Variants in ATAD3A observed in about 807,000 individuals in gnomAD.
ATAD3A encodes ATPase family AAA domain-containing protein 3A.
Under a neutral mutation model 73.8 loss-of-function variants are expected in ATAD3A, and 46 were observed. The ratio of observed to expected loss-of-function variants is 0.62; its 90% confidence interval spans 0.49 to 0.80. The LOEUF (loss-of-function observed/expected upper bound fraction) is 0.80, where lower values mean the gene tolerates loss of function less well. ATAD3A is among the 30% of genes least tolerant of loss of function. ATAD3A has a pLI of 0.00. For synonymous variants in ATAD3A, 319 were observed against 350.0 expected, an observed-to-expected ratio of 0.91 and a Z score of 0.99; for missense variants, 705 against 838.0, an observed-to-expected ratio of 0.84 and a Z score of 1.96.
Position 1,522,810 on chromosome 1 carries a change from C to T in ATAD3A, c.817C>T (p.Arg273Cys), listed in dbSNP as rs574343682. ...SAKNATLVAGRFIEARLGKPS... is the reference protein window; with the variant it reads ...SAKNATLVAGCFIEARLGKPS... ...CAAGAATGCCACGCTTGTCGCCGGC[C>T]GCTTCATCGAGGCTCGGCTGGGGAA... Residue 273 changes from arginine to cysteine, a missense_variant, in exon 8 of 16, where the codon CGC becomes TGC. Physicochemically the swap from Arg to Cys is radical, Grantham distance 180. Coordinates refer to ENST00000378756, the MANE Select transcript of ATAD3A (RefSeq NM_001170535.3). 29 of 1,611,242 alleles carry T rather than the reference C, an allele frequency of 1.8e-5. No individual in the cohort carries two copies. The South Asian group carries it at 2.3e-4, about 13-fold the overall frequency.
intron 4 of ATAD3A, among the ~76,000 whole-genome samples, chr1:1,518,421 A>C (rs1347475987): frequency 7.4e-6 from 1 of 135,236 alleles, no homozygotes; most frequent in Non-Finnish European, 1.6e-5. Context: ...ATAGACGGAC[A>C]CACACACACC....
Position 1,520,436 on chromosome 1 carries a change from C to T in ATAD3A, c.681-112C>T. 1 of 1,600,180 alleles carries T rather than the reference C, an allele frequency of 6.2e-7. No homozygotes were observed. Among genetic ancestry groups the T allele is most frequent in the South Asian group, 1.1e-5 (1 of 89,488 alleles). ...TGACTCCTTGGTGGGGGCACTGCCC[C>T]TCTGTCCTGGCAAGGCCGTGCCGCC... On this transcript the variant is annotated intron_variant, in intron 6 of 15. Transcript: ENST00000378756. The surrounding 1 kb of genome is among the most constrained non-coding windows in gnomAD (Gnocchi z 4.0).
At chr1:1,533,041 G>C (rs1306855711) in intron 15 of ATAD3A, among the ~76,000 whole-genome samples, 1 of 152,234 alleles carries the variant, frequency 6.6e-6, no homozygotes, top group Non-Finnish European at 1.5e-5. Context: ...GGCACCACGT[G>C]GTCATCCCCA....
rs761244485 is a variant in ATAD3A, at chr1:1,520,319, G to C, written c.680+13G>C. The C allele has an allele frequency of 1.5e-4, 234 of 1,608,490 alleles. 1 individual carries two copies. Among genetic ancestry groups the C allele is most frequent in the Middle Eastern group, 1.2e-3 (7 of 5,858 alleles). On this transcript the variant is annotated intron_variant, in intron 6 of 15. Coordinates refer to ENST00000378756, the MANE Select transcript of ATAD3A (RefSeq NM_001170535.3). The surrounding 1 kb of genome is among the most constrained non-coding windows in gnomAD (Gnocchi z 4.0). ...TGGAGTCCATCAGGTGAGCACTGCC[G>C]AGGCCCGGGCCGGCCACAGATGGAG...
chr1:1,522,910 A>G lies in ATAD3A; in HGVS notation c.906+11A>G. 6.2e-7 allele frequency: 1 copy of G among 1,605,792 alleles called. No homozygotes were observed. The highest frequency in any genetic ancestry group is 8.5e-7 in the Non-Finnish European group (1 of 1,179,250). ...CGGCACCCCATCCAGGTAGCAGCGC[A>G]GGCCTGGCCCTCCCTGAGTGCAGTT... On this transcript the variant is annotated intron_variant, in intron 8 of 15. Coordinates refer to ENST00000378756, the MANE Select transcript of ATAD3A (RefSeq NM_001170535.3).
intron 2 of ATAD3A, chr1:1,517,106 T>G: frequency 6.5e-7 from 1 of 1,534,984 alleles, no homozygotes; most frequent in Non-Finnish European, 8.8e-7. Flanking sequence ...CTTCGCGGGC[T>G]TCTGCTGGTG....
Position 1,534,297 on chromosome 1 carries a change from C to T in ATAD3A, c.*225C>T, listed in dbSNP as rs995721555. ...AGGGGCAGGCCTCCTTCCTGCCCCT[C>T]GAGACACTCTTGGGAGATGCATTTT... On this transcript the variant is annotated 3_prime_UTR_variant, in exon 16 of 16. Coordinates refer to ENST00000378756, the MANE Select transcript of ATAD3A (RefSeq NM_001170535.3). 2.9e-5 allele frequency: 42 copies of T among 1,436,992 alleles called. No individual in the cohort carries two copies. The highest frequency in any genetic ancestry group is 5.2e-5 in the East Asian group (2 of 38,534). The allele number at this position is 1,436,992 out of a possible 1,614,324, so 89.0% of individuals were successfully genotyped here.
At position 1,520,380 on chromosome 1, in the gene ATAD3A, T is replaced by G; in HGVS notation, c.680+74T>G. 6.3e-7 allele frequency: 1 copy of G among 1,593,726 alleles called. No homozygotes were observed. Among genetic ancestry groups the G allele is most frequent in the Non-Finnish European group, 8.6e-7 (1 of 1,167,016 alleles). On this transcript the variant is annotated intron_variant, in intron 6 of 15. Transcript: ENST00000378756. The surrounding 1 kb of genome is among the most constrained non-coding windows in gnomAD (Gnocchi z 4.0). Reference sequence around the variant, plus strand: ...GTGAGTCGCTGGTCCCAGGGCGCTCTCCAGCTCTTCCAGGCCTTGCCGCCG... The same window carrying G: ...GTGAGTCGCTGGTCCCAGGGCGCTCGCCAGCTCTTCCAGGCCTTGCCGCCG...
Position 1,534,336 on chromosome 1 carries a change from A to C in ATAD3A, c.*264A>C. 7.1e-7 allele frequency: 1 copy of C among 1,409,440 alleles called. No homozygotes were observed. Among genetic ancestry groups the C allele is most frequent in the Non-Finnish European group, 9.2e-7 (1 of 1,085,104 alleles). 87.3% of individuals were successfully genotyped at this position (1,409,440 alleles called of 1,614,324 possible). Reference sequence around the variant, plus strand: ...GAGATGCATTTTCCGTCTGGCTCACAGGGGGAGGGTGAGGCTTTGCACCCC... The same window carrying C: ...GAGATGCATTTTCCGTCTGGCTCACCGGGGGAGGGTGAGGCTTTGCACCCC... On this transcript the variant is annotated 3_prime_UTR_variant, in exon 16 of 16. Coordinates refer to ENST00000378756, the MANE Select transcript of ATAD3A (RefSeq NM_001170535.3).
In ATAD3A at chr1:1,534,499, G is replaced by T; in HGVS notation, c.*427G>T. 1 of 811,734 alleles carries T rather than the reference G, an allele frequency of 1.2e-6. No individual in the cohort carries two copies. Among genetic ancestry groups the T allele is most frequent in the Non-Finnish European group, 1.6e-6 (1 of 606,190 alleles). The allele number at this position is 811,734 out of a possible 1,614,324, so 50.3% of individuals were successfully genotyped here. The stretch of plus-strand genomic sequence containing the variant: ...GCGCCTGCCAGGGCCAGACCCAGGT[G>T]GGGCAGCCTGAACCCTGCTTCCCCC... On this transcript the variant is annotated 3_prime_UTR_variant, in exon 16 of 16. Transcript: ENST00000378756.
At chr1:1,524,980 G>C (rs1254309270) in intron 11 of ATAD3A, among the ~76,000 whole-genome samples, 2 of 152,164 alleles carry the variant, frequency 1.3e-5, no homozygotes, top group Non-Finnish European at 2.9e-5. Flanking sequence ...TGGGCCGGGT[G>C]GGGGTGAAGC....
At chr1:1,526,322 G>T in intron 12 of ATAD3A, 139 bp from the exon 13 acceptor site, 2 of 1,521,930 alleles carry the variant, frequency 1.3e-6, no homozygotes, top group Non-Finnish European at 1.8e-6. Flanking sequence ...CCTGGCCCTG[G>T]TCAGGCTTTT....
At chr1:1,525,216 G>A (rs1272343969) in intron 11 of ATAD3A, 24 bp from the exon 12 acceptor site, 1 of 1,613,386 alleles carries the variant, frequency 6.2e-7, no homozygotes, top group East Asian at 2.2e-5. Context: ...CTCTCGCCCT[G>A]CTTGGCCTCC....
chr1:1,529,517 T>G (rs1305414907), intron 15 of ATAD3A, among the ~76,000 whole-genome samples, 186 bp downstream of exon 15: 1 of 152,214 alleles, frequency 6.6e-6, no homozygotes, highest in African/African-American at 2.4e-5. Context: ...GCGCACCTGC[T>G]CGTGCCCTCA....
rs150981303 is a variant in ATAD3A at position 1,520,271 on chromosome 1, G to A, written c.645G>A (p.Ala215=). 7.1e-5 allele frequency: 115 copies of A among 1,612,920 alleles called. No homozygotes were observed. In the African/African-American group the frequency reaches 1.3e-3, roughly 18 times the overall value. Reference sequence around the variant, plus strand: ...TCCGCGAGCAGATCCGCCTGAAGGCGGCCGAGCACCGTCAGACCGTCTTGG... The same window carrying A: ...TCCGCGAGCAGATCCGCCTGAAGGCAGCCGAGCACCGTCAGACCGTCTTGG... ...DIIREQIRLK[A]AEHRQTVLES... The change falls in exon 6 of 16, where the codon GCG becomes GCA. Residue 215 remains alanine, a synonymous_variant. Transcript: ENST00000378756. This position sits in a 1 kb window ranked among gnomAD's most constrained non-coding sequence, Gnocchi z 4.0.
In ATAD3A at chr1:1,516,194, G is replaced by A. The variant is rs1244487981; in HGVS notation, c.282+106G>A. 2.6e-6 allele frequency: 4 copies of A among 1,530,646 alleles called. No homozygotes were observed. The Admixed American group carries it at 5.6e-5, about 22-fold the overall frequency. 94.8% of individuals were successfully genotyped at this position (1,530,646 alleles called of 1,614,324 possible). Reference sequence around the variant, plus strand: ...GGTAGGGCCGGGGGTGTGTACATGGGCAGCAGTGGGGCCCAGGGCCAAGCT... The same window carrying A: ...GGTAGGGCCGGGGGTGTGTACATGGACAGCAGTGGGGCCCAGGGCCAAGCT... On this transcript the variant is annotated intron_variant, in intron 2 of 15. Transcript: ENST00000378756.
chr1:1,518,340 C>G (rs567527138), intron 4 of ATAD3A, among the ~76,000 whole-genome samples: 2 of 131,576 alleles, frequency 1.5e-5, no homozygotes, highest in African/African-American at 5.6e-5. Context: ...CACTGGCACC[C>G]GCGCACTCGG....
At position 1,525,415 on chromosome 1, in the gene ATAD3A, T is replaced by C. The variant is rs1570346568; in HGVS notation, c.1266+124T>C. On this transcript the variant is annotated intron_variant, in intron 12 of 15. Coordinates refer to ENST00000378756, the MANE Select transcript of ATAD3A (RefSeq NM_001170535.3). ...TGTAAGCTTTGTGTGAAAAACAGCTTTTTTTTTTTTTTTTTTTGAGAAGAA... is the reference window on the plus strand; with the variant it reads ...TGTAAGCTTTGTGTGAAAAACAGCTCTTTTTTTTTTTTTTTTTGAGAAGAA... The C allele has an allele frequency of 6.3e-5, 35 of 559,322 alleles. No individual in the cohort carries two copies. The East Asian group carries it at 2.2e-3, about 35-fold the overall frequency. The allele number at this position is 559,322 out of a possible 1,614,324, so 34.6% of individuals were successfully genotyped here.
chr1:1,513,804 G>A lies in ATAD3A; in HGVS notation c.205+1331G>A, dbSNP rs185248383. Among the ~76,000 whole-genome samples the A allele has an allele frequency of 9.0e-4, 136 of 151,788 alleles. 2 individuals are homozygous for A. The highest frequency in any genetic ancestry group is 3.8e-4 in the Non-Finnish European group (26 of 67,936). On this transcript the variant is annotated intron_variant, in intron 1 of 15. Transcript: ENST00000378756. ...TCCTCCGTGCCCCTTTCCTGGCAGC[G>A]GGTCGCCGAGATTCGGCCGGAGCCC...
Sources: gnomAD v4.1 joint callset for allele counts (sites outside exome capture counted in the v4.1 genomes callset) on GRCh38, gnomAD v4.1.1 for gene constraint, Gnocchi (gnomAD v3.1) non-coding constraint, MANE v1.5 for transcripts, NCBI Gene and HGNC (gene_info 2026-07-23, HGNC 2026-07-21) for gene names.